The following ARID5B variants were observed in gnomAD, a reference collection of about 807,000 sequenced individuals.
The protein encoded by ARID5B is AT-rich interaction domain 5B, also known as AT-rich interactive domain-containing protein 5B.
In ARID5B, 13 loss-of-function variants were observed where a neutral mutation model predicts 97.2. The ratio of observed to expected loss-of-function variants is 0.13; its 90% CI spans 0.09 to 0.21. ARID5B has a LOEUF of 0.21. Among genes scored for constraint, ARID5B ranks in the 10% least tolerant of loss-of-function variants. The probability of loss-of-function intolerance (pLI) is 1.00; values close to 1 mark genes in which losing one functional copy is unlikely to be tolerated. For missense variants in ARID5B, 1,210 were observed against 1,465.3 expected (o/e 0.83, Z 2.84); for synonymous variants, 556 against 570.3 (o/e 0.97, Z 0.36).
Position 62,090,868 on chromosome 10 carries a change from T to A in ARID5B, c.1405T>A (p.Ser469Thr). The A allele has an allele frequency of 6.4e-7, 1 of 1,573,568 alleles. No homozygotes were observed. Among genetic ancestry groups the A allele is most frequent in the Non-Finnish European group, 8.6e-7 (1 of 1,167,194 alleles). Reference sequence around the variant, plus strand: ...TTTTGAAATATGTTACCAGGTTTCATCAGAGCAAGAAAAAGAACAAGAGAC... The same window carrying A: ...TTTTGAAATATGTTACCAGGTTTCAACAGAGCAAGAAAAAGAACAAGAGAC... Reference protein sequence around the residue: ...PKPQDAAEVSSEQEKEQETLI... With the variant: ...PKPQDAAEVSTEQEKEQETLI... The change falls in exon 10 of 10, where the codon TCA (serine) becomes ACA (threonine). Residue 469 changes from serine (S) to threonine (T), a missense_variant. This residue lies in a region of ARID5B where 800 missense variants were observed against 839.1 expected (regional missense o/e 0.95). Transcript: ENST00000279873.
intron 7 of ARID5B, among the ~76,000 whole-genome samples, chr10:62,069,253 ACT>A (rs1260819347): frequency 6.6e-6 from 1 of 152,002 alleles, no homozygotes; most frequent in Non-Finnish European, 1.5e-5. Flanking sequence ...TTGGTAAAAG[ACT>A]CTTTTTTACC....
intron 8 of ARID5B, among the ~76,000 whole-genome samples, chr10:62,083,356 T>C (rs1472174602): frequency 2.0e-5 from 3 of 149,780 alleles, no homozygotes; most frequent in Non-Finnish European, 3.0e-5. Flanking sequence ...GTGCCCTACT[T>C]TGTGAACTTG....
chr10:61,931,654 A>G (rs1844212255), intron 2 of ARID5B, among the ~76,000 whole-genome samples: 1 of 152,256 alleles, frequency 6.6e-6, no homozygotes, highest in Non-Finnish European at 1.5e-5. Flanking sequence ...AAGAAAACAA[A>G]TAACCAAATG....
chr10:62,013,815 T>TATATATATATATATATATAC lies in ARID5B; in HGVS notation c.733+13495_733+13496insTATATATATATATATATACA, dbSNP rs915920250. On this transcript the variant is annotated intron_variant, in intron 4 of 9. Transcript: ENST00000279873. ...TTGGGTATATATATATATATATATA[T>TATATATATATATATATATAC]ACCACATTTTCTCTTTTAATTTTTA... Among the ~76,000 whole-genome samples the TATATATATATATATATATAC allele has an allele frequency of 8.3e-4, 123 of 147,402 alleles. 2 individuals carry two copies. The highest frequency in any genetic ancestry group is 6.1e-3 in the East Asian group (30 of 4,898).
At chr10:62,012,305 G>A (rs1471972250) in intron 4 of ARID5B, among the ~76,000 whole-genome samples, 1 of 152,122 alleles carries the variant, frequency 6.6e-6, no homozygotes. Flanking sequence ...CAGATCCCTT[G>A]ATCCCAGGAG....
rs1025570611 is a variant in ARID5B, at chr10:61,962,979, G to A, written c.502+22571G>A. Among the ~76,000 whole-genome samples the A allele has an allele frequency of 1.1e-3, 173 of 152,200 alleles. 1 individual carries two copies. Among genetic ancestry groups the A allele is most frequent in the South Asian group, 2.1e-4 (1 of 4,820 alleles). ...TTAAGAAATATTTAGAGCCGTGTTC[G>A]CAGCCCTACAGTTGTTTTTTTTCTT... On this transcript the variant is annotated intron_variant, in intron 3 of 9. Coordinates refer to ENST00000279873, the MANE Select transcript of ARID5B (RefSeq NM_032199.3).
intron 3 of ARID5B, 88 bp downstream of exon 3, chr10:61,940,496 A>T: frequency 9.1e-7 from 1 of 1,098,638 alleles, no homozygotes; most frequent in Non-Finnish European, 1.3e-6. Context: ...ACTATCATTT[A>T]TATATAAATG....
At chr10:61,994,712 G>C (rs1192281769) in intron 3 of ARID5B, among the ~76,000 whole-genome samples, 1 of 152,030 alleles carries the variant, frequency 6.6e-6, no homozygotes, top group African/African-American at 2.4e-5. Flanking sequence ...TTACAGTTTC[G>C]CTATGGAATT....
intron 5 of ARID5B, among the ~76,000 whole-genome samples, chr10:62,056,299 T>C (rs1462917301): frequency 1.3e-5 from 2 of 152,200 alleles, no homozygotes. Flanking sequence ...TTAGCTGACC[T>C]CTACTCTTTC....
chr10:61,999,641 C>G (rs975957451), intron 3 of ARID5B, among the ~76,000 whole-genome samples: 3 of 152,138 alleles, frequency 2.0e-5, no homozygotes, highest in Non-Finnish European at 4.4e-5. Context: ...TGCTTTTGTA[C>G]GTGGAACCAT....
At chr10:62,050,770 C>G in intron 4 of ARID5B, 118 bp from the exon 5 acceptor site, 1 of 830,024 alleles carries the variant, frequency 1.2e-6, no homozygotes, top group Non-Finnish European at 1.9e-6. Context: ...CTGCCTGCCA[C>G]AGATCTGTAC....
In ARID5B at chr10:62,003,755, C is replaced by T. The variant is rs145528066; in HGVS notation, c.733+3434C>T. Among the ~76,000 whole-genome samples, 1,398 of 152,250 alleles carry T rather than the reference C, an allele frequency of 9.2e-3. 6 individuals are homozygous for T. Among genetic ancestry groups the T allele is most frequent in the Non-Finnish European group, 0.015 (997 of 67,998 alleles). On this transcript the variant is annotated intron_variant, in intron 4 of 9. Coordinates refer to ENST00000279873, the MANE Select transcript of ARID5B (RefSeq NM_032199.3). ...TTTTCTCTGTGTGCCGTGGAGCTTACCTGCATTCCCTGGATTCATCTCTGA... is the reference window on the plus strand; with the variant it reads ...TTTTCTCTGTGTGCCGTGGAGCTTATCTGCATTCCCTGGATTCATCTCTGA...
chr10:61,979,457 T>C (rs1838746826), intron 3 of ARID5B, among the ~76,000 whole-genome samples: 2 of 152,084 alleles, frequency 1.3e-5, no homozygotes, highest in Admixed American at 1.3e-4. Flanking sequence ...GAGGGCTTGG[T>C]TTACATCCAC....
intron 7 of ARID5B, among the ~76,000 whole-genome samples, chr10:62,060,504 ATTTAT>A (rs1465154161): frequency 2.0e-5 from 3 of 152,210 alleles, no homozygotes; most frequent in African/African-American, 7.2e-5. Context: ...TACTTGAAAT[ATTTAT>A]TTTATCAAGT....
At chr10:61,948,602 G>A (rs1005985774) in intron 3 of ARID5B, among the ~76,000 whole-genome samples, 3 of 151,988 alleles carry the variant, frequency 2.0e-5, no homozygotes, top group South Asian at 2.1e-4. Flanking sequence ...TCCTGACCTC[G>A]TGATCTGCCC....
At chr10:62,022,087 T>A (rs966123954) in intron 4 of ARID5B, among the ~76,000 whole-genome samples, 1 of 152,250 alleles carries the variant, frequency 6.6e-6, no homozygotes, top group African/African-American at 2.4e-5. Flanking sequence ...TCTTCTTTAC[T>A]GAACTACAAT....
chr10:62,069,392 A>G (rs1017116547), intron 7 of ARID5B, among the ~76,000 whole-genome samples: 1 of 152,236 alleles, frequency 6.6e-6, no homozygotes, highest in Non-Finnish European at 1.5e-5. Flanking sequence ...AATGACTTAA[A>G]GGAACAGGGT....
intron 2 of ARID5B, among the ~76,000 whole-genome samples, chr10:61,926,490 G>A (rs750952658): frequency 2.6e-5 from 4 of 152,156 alleles, no homozygotes; most frequent in South Asian, 2.1e-4. Context: ...TATTAAATTC[G>A]TAGACTAGTG....
intron 4 of ARID5B, among the ~76,000 whole-genome samples, chr10:62,045,424 T>C (rs1468019118): frequency 6.7e-6 from 1 of 150,160 alleles, no homozygotes; most frequent in South Asian, 2.1e-4. Flanking sequence ...AGAGCAATGC[T>C]CCATGCTGAA....
Sources: gnomAD v4.1 joint callset for allele counts (sites outside exome capture counted in the v4.1 genomes callset) on GRCh38, gnomAD v4.1.1 for gene constraint, gnomAD v4.1.1 regional missense constraint, MANE v1.5 for transcripts, NCBI Gene and HGNC (gene_info 2026-07-23, HGNC 2026-07-21) for gene names.